Variants in ANKMY2 observed in about 807,000 individuals in gnomAD.
ANKMY2 encodes ankyrin repeat and MYND domain containing 2.
A neutral mutation model predicts 50.4 loss-of-function variants in ANKMY2; 36 were observed. The ratio of observed to expected loss-of-function variants is 0.71; its 90% CI spans 0.55 to 0.94. The LOEUF (loss-of-function observed/expected upper bound fraction) is 0.94, where lower values mean the gene tolerates loss of function less well. ANKMY2 is among the 40% of genes least tolerant of loss of function. The pLI, the probability that ANKMY2 is intolerant of heterozygous loss-of-function variation, is 0.00. For missense variants in ANKMY2, 565 were observed against 524.0 expected, an observed-to-expected ratio of 1.08 and a Z score of -0.76; for synonymous variants, 187 against 178.8, an observed-to-expected ratio of 1.05 and a Z score of -0.36.
chr7:16,621,572 T>A (rs998571470), intron 4 of ANKMY2, among the ~76,000 whole-genome samples: 3 of 152,082 alleles, frequency 2.0e-5, no homozygotes, highest in Non-Finnish European at 4.4e-5. Flanking sequence ...TCATAAAAAA[T>A]AACTGAAGGA....
At chr7:16,604,247 G>A (rs1399759974) in intron 8 of ANKMY2, among the ~76,000 whole-genome samples, 1 of 152,184 alleles carries the variant, frequency 6.6e-6, no homozygotes, top group African/African-American at 2.4e-5. Flanking sequence ...TGGCAGAAGG[G>A]GGCAGTACAG....
intron 2 of ANKMY2, among the ~76,000 whole-genome samples, chr7:16,632,154 A>T (rs975376611): frequency 8.1e-6 from 1 of 122,776 alleles, no homozygotes; most frequent in African/African-American, 3.2e-5. Flanking sequence ...CTGTTTATAC[A>T]TGTTGTTTTC....
At chr7:16,602,890 C>G (rs1418634303) in intron 8 of ANKMY2, among the ~76,000 whole-genome samples, 1 of 152,204 alleles carries the variant, frequency 6.6e-6, no homozygotes, top group East Asian at 1.9e-4. Context: ...CCTGCTCCCC[C>G]TTCACCTTCC....
intron 4 of ANKMY2, among the ~76,000 whole-genome samples, chr7:16,620,497 A>G (rs1781418006): frequency 6.6e-6 from 1 of 152,156 alleles, no homozygotes; most frequent in Non-Finnish European, 1.5e-5. Context: ...TTCATCTTAT[A>G]AAGTTGCTAA....
intron 4 of ANKMY2, among the ~76,000 whole-genome samples, chr7:16,617,781 C>G (rs1014382517): frequency 6.6e-6 from 1 of 151,922 alleles, no homozygotes; most frequent in Non-Finnish European, 1.5e-5. Context: ...GCCTGGGTAA[C>G]ACAGCACAAA....
chr7:16,612,980 AT>A (rs1781279366), intron 5 of ANKMY2, among the ~76,000 whole-genome samples: 1 of 152,140 alleles, frequency 6.6e-6, no homozygotes, highest in African/African-American at 2.4e-5. Context: ...AATTCTTTTT[AT>A]TTTTTAAATC....
At position 16,640,449 on chromosome 7, in the gene ANKMY2, T is replaced by C. The variant is rs150010453; in HGVS notation, c.68-3994A>G. On this transcript the variant is annotated intron_variant, in intron 1 of 9. Coordinates refer to ENST00000306999, the MANE Select transcript of ANKMY2 (RefSeq NM_020319.3). The stretch of plus-strand genomic sequence containing the variant: ...ACAAACAGAACAGGAGAAACAAACA[T>C]TCTGTTTTCAGCAATTCATCACACA... Among the ~76,000 whole-genome samples, 39 of 152,208 alleles carry C rather than the reference T, an allele frequency of 2.6e-4. No homozygotes were observed. The East Asian group carries it at 7.0e-3, about 27-fold the overall frequency.
intron 7 of ANKMY2, among the ~76,000 whole-genome samples, chr7:16,606,340 G>T (rs2128341999): frequency 6.6e-6 from 1 of 151,976 alleles, no homozygotes; most frequent in Non-Finnish European, 1.5e-5. Flanking sequence ...GAGGCAGAAG[G>T]ATCACCTGAG....
intron 1 of ANKMY2, among the ~76,000 whole-genome samples, chr7:16,643,740 C>T (rs879331776): frequency 6.6e-6 from 1 of 151,604 alleles, no homozygotes; most frequent in Non-Finnish European, 1.5e-5. Context: ...CATGATGGGC[C>T]AGGCCCAGTG....
At chr7:16,638,535 C>T (rs548852113) in intron 1 of ANKMY2, among the ~76,000 whole-genome samples, 2 of 152,316 alleles carry the variant, frequency 1.3e-5, no homozygotes, top group African/African-American at 4.8e-5. Context: ...AGAACTTCCA[C>T]GAGTTCAGCA....
chr7:16,602,350 G>A (rs368736264), intron 9 of ANKMY2, 30 bp downstream of exon 9: 2 of 1,603,906 alleles, frequency 1.2e-6, no homozygotes, highest in Non-Finnish European at 1.7e-6. Context: ...CCACTAAAAA[G>A]CAGAGTGAAC....
chr7:16,612,130 C>G (rs1226845203), intron 5 of ANKMY2, among the ~76,000 whole-genome samples: 1 of 152,148 alleles, frequency 6.6e-6, no homozygotes, highest in African/African-American at 2.4e-5. Flanking sequence ...AGCAGACAGC[C>G]AGTCAGTACT....
At chr7:16,631,537 G>A (rs544649976) in intron 2 of ANKMY2, among the ~76,000 whole-genome samples, 2 of 152,146 alleles carry the variant, frequency 1.3e-5, no homozygotes, top group African/African-American at 4.8e-5. Context: ...GCTTTTGAAG[G>A]TGGTAGGAGA....
chr7:16,628,319 G>A (rs1408773367), intron 2 of ANKMY2, among the ~76,000 whole-genome samples: 4 of 152,274 alleles, frequency 2.6e-5, no homozygotes, highest in South Asian at 2.1e-4. Context: ...TGTTAATGCA[G>A]TACACACTAT....
intron 5 of ANKMY2, among the ~76,000 whole-genome samples, chr7:16,614,108 T>A (rs1379420797): frequency 6.6e-6 from 1 of 151,982 alleles, no homozygotes; most frequent in Non-Finnish European, 1.5e-5. Flanking sequence ...TTCTCTACAT[T>A]GAGAAATACT....
intron 2 of ANKMY2, among the ~76,000 whole-genome samples, chr7:16,629,512 G>A (rs1368968210): frequency 2.0e-5 from 3 of 152,186 alleles, no homozygotes; most frequent in East Asian, 3.9e-4. Context: ...CTCCAGCCTG[G>A]GCGACAGAGT....
chr7:16,632,971 T>A (rs371161210), intron 2 of ANKMY2, among the ~76,000 whole-genome samples: 6 of 152,320 alleles, frequency 3.9e-5, no homozygotes, highest in African/African-American at 1.4e-4. Flanking sequence ...TATTTCATTG[T>A]GCTTTTTATT....
At chr7:16,609,402 C>T (rs965538644) in intron 7 of ANKMY2, among the ~76,000 whole-genome samples, 4 of 152,108 alleles carry the variant, frequency 2.6e-5, no homozygotes, top group African/African-American at 9.7e-5. Context: ...TTCAACATAG[C>T]GACGTCCTGT....
chr7:16,609,777 T>C lies in ANKMY2; in HGVS notation c.747-12A>G. On this transcript the variant is annotated splice_polypyrimidine_tract_variant and intron_variant, in intron 6 of 9. Transcript: ENST00000306999. ...GGCCTTTTAACAAGCTGAAAGATAT[T>C]TTTTAAAGCGTAATTGGAGTTGAAT... 1 of 1,608,442 alleles carries C rather than the reference T, an allele frequency of 6.2e-7. No homozygotes were observed. Among genetic ancestry groups the C allele is most frequent in the Non-Finnish European group, 8.5e-7 (1 of 1,178,088 alleles).
Sources: allele counts gnomAD v4.1 joint callset (sites outside exome capture counted in the v4.1 genomes callset), GRCh38; gene constraint gnomAD v4.1.1; transcripts MANE v1.5; gene names NCBI Gene and HGNC (gene_info 2026-07-23, HGNC 2026-07-21).